TPR: variants seen among roughly 807,000 people sequenced by gnomAD.
The protein encoded by TPR is nucleoprotein TPR.
TPR carries 51 observed loss-of-function variants against 316.1 expected under a neutral mutation model. The observed-to-expected ratio is 0.16, with a 90% CI of 0.13 to 0.20. The LOEUF (loss-of-function observed/expected upper bound fraction) is 0.20. TPR is among the 10% of genes least tolerant of loss of function. The probability of loss-of-function intolerance (pLI) is 1.00; values close to 1 mark genes in which losing one functional copy is unlikely to be tolerated. For missense variants in TPR, 2,272 were observed against 2,754.8 expected, an observed-to-expected ratio of 0.82 and a Z score of 3.92; for synonymous variants, 981 against 914.7, an observed-to-expected ratio of 1.07 and a Z score of -1.31.
chr1:186,356,463 C>T lies in TPR; in HGVS notation c.1725-14G>A, dbSNP rs367913452. On this transcript the variant is annotated splice_polypyrimidine_tract_variant and intron_variant, in intron 14 of 50. Transcript: ENST00000367478. ...AGCTCAGTGATTCTGTAGAAAAAGT[C>T]GGCCTAATTCACAGGACTGAACTGA... 7.4e-5 allele frequency: 118 copies of T among 1,599,648 alleles called. No homozygotes were observed. Among genetic ancestry groups the T allele is most frequent in the Non-Finnish European group, 9.0e-5 (105 of 1,169,342 alleles).
chr1:186,374,519 G>C (rs1473348702), intron 1 of TPR, among the ~76,000 whole-genome samples: 6 of 152,290 alleles, frequency 3.9e-5, no homozygotes, highest in Admixed American at 3.9e-4. Flanking sequence ...CTAGAAAATA[G>C]GGCGGAGCCA....
chr1:186,341,884 T>C (rs1406278571), intron 27 of TPR: 1 of 155,628 alleles, frequency 6.4e-6, no homozygotes, highest in African/African-American at 2.4e-5. Flanking sequence ...TATTACTTTC[T>C]TCCCCCACTG....
intron 43 of TPR, among the ~76,000 whole-genome samples, chr1:186,323,225 C>A (rs183388649): frequency 3.9e-5 from 6 of 152,254 alleles, no homozygotes; most frequent in Non-Finnish European, 2.9e-5. Context: ...AGGGGTCATA[C>A]ATACCTTCAT....
chr1:186,363,959 T>A (rs1053821666), intron 4 of TPR, among the ~76,000 whole-genome samples: 1 of 152,158 alleles, frequency 6.6e-6, no homozygotes, highest in Non-Finnish European at 1.5e-5. Flanking sequence ...AATACTTTCA[T>A]AGCCACCTCC....
At chr1:186,330,293 C>T (rs369162854) in intron 39 of TPR, among the ~76,000 whole-genome samples, 16 of 152,180 alleles carry the variant, frequency 1.1e-4, no homozygotes, top group Admixed American at 1.3e-4. Flanking sequence ...CTGGAACTAT[C>T]GGGCAAGTTA....
chr1:186,324,352 A>G (rs547310659), intron 42 of TPR, among the ~76,000 whole-genome samples: 1 of 152,360 alleles, frequency 6.6e-6, no homozygotes, highest in East Asian at 1.9e-4. Context: ...CAGTGTAACA[A>G]TCAAAAAGGA....
intron 21 of TPR, among the ~76,000 whole-genome samples, chr1:186,349,197 C>G (rs1304623344): frequency 2.0e-5 from 3 of 152,158 alleles, no homozygotes; most frequent in African/African-American, 4.8e-5. Context: ...AACACAAAGC[C>G]TATTTTATAA....
At chr1:186,373,322 C>T in intron 2 of TPR, 37 bp downstream of exon 2, 2 of 1,495,072 alleles carry the variant, frequency 1.3e-6, no homozygotes, top group Non-Finnish European at 9.2e-7. Context: ...GATTTCGATA[C>T]TCCGAGAATA....
rs114232062 is a variant in TPR, at chr1:186,336,187, G to T, written c.4705+309C>A. 7.1e-3 allele frequency among the ~76,000 whole-genome samples: 1,078 copies of T among 152,168 alleles called. 11 individuals are homozygous for T. The highest frequency in any genetic ancestry group is 0.025 in the African/African-American group (1,024 of 41,504). ...TCTACATAAGGTTTCTAGACAGCAC[G>T]GTCTGGGCTCAAAGGATCTCTGTCA... On this transcript the variant is annotated intron_variant, in intron 33 of 50. Transcript: ENST00000367478.
In TPR at chr1:186,312,839, A is replaced by C; in HGVS notation, c.*1132T>G. On this transcript the variant is annotated 3_prime_UTR_variant, in exon 51 of 51. Transcript: ENST00000367478. ...TTCCAAATGTGGTTACCTCAGCTAT[A>C]TCACTGCCCAACATCAGAAAACCTG... 1 of 1,612,150 alleles carries C rather than the reference A, an allele frequency of 6.2e-7. No individual in the cohort carries two copies. Among genetic ancestry groups the C allele is most frequent in the Non-Finnish European group, 8.5e-7 (1 of 1,178,240 alleles).
chr1:186,374,951 T>C lies in TPR; in HGVS notation c.78A>G (p.Glu26=). 6.2e-7 allele frequency: 1 copy of C among 1,612,306 alleles called. No individual in the cohort carries two copies. Among genetic ancestry groups the C allele is most frequent in the East Asian group, 2.2e-5 (1 of 44,792 alleles). ...KLPKSVQNKL[E]KFLADQQSEI... is the part of the protein sequence containing the mutation. Reference sequence around the variant, plus strand: ...CGGATTGCTGATCAGCAAGGAACTTTTCAAGTTTGTTCTGGACAGACTTGG... The same window carrying C: ...CGGATTGCTGATCAGCAAGGAACTTCTCAAGTTTGTTCTGGACAGACTTGG... The change falls in exon 1 of 51, where the codon GAA becomes GAG. Residue 26 remains glutamate (E), a synonymous_variant. Transcript: ENST00000367478.
intron 37 of TPR, among the ~76,000 whole-genome samples, 175 bp downstream of exon 37, chr1:186,332,947 G>A (rs530470380): frequency 6.6e-6 from 1 of 152,156 alleles, no homozygotes; most frequent in East Asian, 1.9e-4. Flanking sequence ...CTGGTAGAAA[G>A]CATGTATGCA....
In TPR at chr1:186,334,541, A is replaced by T. The variant is rs1484469504; in HGVS notation, c.4974-8T>A. ...GGGTCTGATGTGCTGGCACTTATAG[A>T]GGAGAAAATGGAAGAATAATTAATA... On this transcript the variant is annotated splice_polypyrimidine_tract_variant and splice_region_variant and intron_variant, in intron 35 of 50. Coordinates refer to ENST00000367478, the MANE Select transcript of TPR (RefSeq NM_003292.3). The T allele has an allele frequency of 8.7e-6, 14 of 1,606,286 alleles. No individual in the cohort carries two copies. Among genetic ancestry groups the T allele is most frequent in the Non-Finnish European group, 1.2e-5 (14 of 1,174,656 alleles).
intron 4 of TPR, 91 bp from the exon 5 acceptor site, chr1:186,363,536 T>C (rs971898474): frequency 1.2e-6 from 1 of 824,870 alleles, no homozygotes; most frequent in Non-Finnish European, 1.9e-6. Context: ...TATAAACCTT[T>C]AATACAAAGT....
intron 33 of TPR, among the ~76,000 whole-genome samples, chr1:186,335,909 T>G (rs1387042043): frequency 6.6e-6 from 1 of 152,072 alleles, no homozygotes; most frequent in Admixed American, 6.6e-5. Context: ...ATTCAAGAAC[T>G]TTTAAAATCA....
chr1:186,373,254 T>G, intron 2 of TPR, 105 bp downstream of exon 2: 1 of 666,136 alleles, frequency 1.5e-6, no homozygotes, highest in Non-Finnish European at 2.4e-6. Flanking sequence ...TGATGCTTAA[T>G]CAATATTTTC....
Position 186,327,410 on chromosome 1 carries a change from AC to A in TPR, c.5889+49del. The stretch of plus-strand genomic sequence containing the variant: ...GCATTAGTATCCCAAGGATTTGAGC[AC>A]TTTCATCCAATAGTTTAAAAACACT... On this transcript the variant is annotated intron_variant, in intron 40 of 50. Coordinates refer to ENST00000367478, the MANE Select transcript of TPR (RefSeq NM_003292.3). 1.9e-6 allele frequency: 3 copies of A among 1,575,238 alleles called. No homozygotes were observed. In the East Asian group the frequency reaches 6.8e-5, roughly 35 times the overall value.
intron 18 of TPR, among the ~76,000 whole-genome samples, chr1:186,352,906 T>C (rs189250060): frequency 6.7e-4 from 102 of 152,266 alleles, no homozygotes; most frequent in Admixed American, 4.0e-3. Flanking sequence ...ACAGAAGAGA[T>C]AACTGAATAA....
At position 186,352,012 on chromosome 1, in the gene TPR, C is replaced by G; in HGVS notation, c.2433G>C (p.Gly811=). ...QRESLLAEQR[G]QNLLLTNLQT... ...GCAGATTAGTTAGCAGTAAGTTTTG[C>G]CCCCTTTGTTCAGCTAACAAAGACT... The change falls in exon 19 of 51, where the codon GGG becomes GGC. Residue 811 remains glycine (G), a synonymous_variant. Coordinates refer to ENST00000367478, the MANE Select transcript of TPR (RefSeq NM_003292.3). 2.5e-6 allele frequency: 4 copies of G among 1,605,824 alleles called. No homozygotes were observed. Among genetic ancestry groups the G allele is most frequent in the Non-Finnish European group, 3.4e-6 (4 of 1,176,968 alleles).
Sources: allele counts gnomAD v4.1 joint callset (sites outside exome capture counted in the v4.1 genomes callset), GRCh38; gene constraint gnomAD v4.1.1; transcripts MANE v1.5; gene names NCBI Gene and HGNC (gene_info 2026-07-23, HGNC 2026-07-21).